Variants in DENND1B observed in about 807,000 individuals in gnomAD.
The protein encoded by DENND1B is DENN domain-containing protein 1B.
In DENND1B, 59 loss-of-function variants were observed where a neutral mutation model predicts 90.1. That is an observed-to-expected ratio of 0.65 (90% CI 0.53 to 0.81). The LOEUF (loss-of-function observed/expected upper bound fraction) is 0.81, where lower values mean the gene tolerates loss of function less well. Among genes scored for constraint, DENND1B ranks in the 40% least tolerant of loss-of-function variants. The probability of loss-of-function intolerance (pLI) is 0.00; values close to 1 mark genes in which losing one functional copy is unlikely to be tolerated. For synonymous variants in DENND1B, 337 were observed against 324.6 expected, an observed-to-expected ratio of 1.04 and a Z score of -0.41; for missense variants, 862 against 912.6, an observed-to-expected ratio of 0.94 and a Z score of 0.71.
intron 20 of DENND1B, among the ~76,000 whole-genome samples, chr1:197,516,964 A>C (rs1668441915): frequency 6.6e-6 from 1 of 151,856 alleles, no homozygotes; most frequent in South Asian, 2.1e-4. Flanking sequence ...TTATCTGCTA[A>C]GTGTTCCTCT....
intron 11 of DENND1B, among the ~76,000 whole-genome samples, chr1:197,612,986 A>G (rs1158274228): frequency 6.6e-6 from 1 of 150,886 alleles, no homozygotes; most frequent in Non-Finnish European, 1.5e-5. Context: ...TAGCAGATAT[A>G]TGAATAAATA....
chr1:197,550,997 T>C (rs1671189828), intron 16 of DENND1B, among the ~76,000 whole-genome samples: 1 of 151,802 alleles, frequency 6.6e-6, no homozygotes, highest in Admixed American at 6.6e-5. Flanking sequence ...GTTAATTTCA[T>C]GACATCGATA....
intron 20 of DENND1B, among the ~76,000 whole-genome samples, chr1:197,513,849 A>T (rs556214882): frequency 2.9e-4 from 44 of 151,554 alleles, no homozygotes; most frequent in Non-Finnish European, 4.9e-4. Context: ...AGCCATCCAT[A>T]CCCTTTAACA....
chr1:197,557,307 T>G (rs1671798301), intron 15 of DENND1B, among the ~76,000 whole-genome samples: 1 of 151,908 alleles, frequency 6.6e-6, no homozygotes, highest in South Asian at 2.1e-4. Flanking sequence ...AAGACATCCT[T>G]TAAAGGACTT....
intron 20 of DENND1B, 136 bp from the exon 21 acceptor site, chr1:197,513,089 C>A: frequency 1.6e-6 from 1 of 638,328 alleles, no homozygotes; most frequent in Non-Finnish European, 2.6e-6. Flanking sequence ...GAATATTATC[C>A]AATAACTTGA....
intron 15 of DENND1B, among the ~76,000 whole-genome samples, chr1:197,579,741 C>A (rs772588366): frequency 9.9e-5 from 15 of 152,110 alleles, no homozygotes; most frequent in African/African-American, 2.4e-5. Context: ...TGTATAACTT[C>A]TTTTTCAAAT....
chr1:197,758,931 C>T (rs1419107229), intron 2 of DENND1B, among the ~76,000 whole-genome samples: 1 of 144,640 alleles, frequency 6.9e-6, no homozygotes, highest in East Asian at 2.0e-4. Flanking sequence ...AAAAGCACAA[C>T]TTTTCCCAAA....
At chr1:197,605,321 A>T (rs1391708738) in intron 13 of DENND1B, among the ~76,000 whole-genome samples, 3 of 150,956 alleles carry the variant, frequency 2.0e-5, no homozygotes, top group Non-Finnish European at 4.5e-5. Context: ...CTAATCATCA[A>T]ACTAATTCTA....
intron 2 of DENND1B, chr1:197,747,147 T>TC: frequency 1.3e-6 from 1 of 768,438 alleles, no homozygotes; most frequent in Non-Finnish European, 2.3e-6. Context: ...TGGAGCGTTT[T>TC]CTTTTTTTCC....
In DENND1B at chr1:197,769,877, T is replaced by C. The variant is rs538613087; in HGVS notation, c.82+2991A>G. ...AATAACTTTTAAAATATTTTTCATATATTTTTCTATTTAAGATTTAGCTGT... is the reference window on the plus strand; with the variant it reads ...AATAACTTTTAAAATATTTTTCATACATTTTTCTATTTAAGATTTAGCTGT... On this transcript the variant is annotated intron_variant, in intron 2 of 22. Transcript: ENST00000620048. Among the ~76,000 whole-genome samples, 5 of 152,288 alleles carry C rather than the reference T, an allele frequency of 3.3e-5. No homozygotes were observed. The East Asian group carries it at 7.7e-4, about 24-fold the overall frequency.
intron 2 of DENND1B, among the ~76,000 whole-genome samples, chr1:197,731,825 A>G (rs1448626285): frequency 6.6e-6 from 1 of 151,914 alleles, no homozygotes; most frequent in Admixed American, 6.5e-5. Flanking sequence ...CTTGCTATAC[A>G]TGATCTTTCT....
chr1:197,538,656 A>ATTTTTTTTTTTTTTTTT (rs67761711), intron 20 of DENND1B, among the ~76,000 whole-genome samples: 1 of 105,882 alleles, frequency 9.4e-6, no homozygotes, highest in East Asian at 2.9e-4. Context: ...AATTAATGGG[A>ATTTTTTTTTTTTTTTTT]TTTTTTTTTT....
intron 2 of DENND1B, among the ~76,000 whole-genome samples, chr1:197,731,638 TG>T (rs777387629): frequency 1.4e-4 from 22 of 152,198 alleles, no homozygotes; most frequent in Non-Finnish European, 2.5e-4. Flanking sequence ...TTGGCTTCCC[TG>T]GGCCACAGTG....
intron 3 of DENND1B, among the ~76,000 whole-genome samples, chr1:197,678,275 T>C (rs1029120774): frequency 3.3e-5 from 5 of 152,188 alleles, no homozygotes; most frequent in African/African-American, 1.2e-4. Flanking sequence ...ATTAATCAAA[T>C]ATTATGTTTA....
chr1:197,622,950 A>G (rs1314647213), intron 10 of DENND1B, among the ~76,000 whole-genome samples: 2 of 151,398 alleles, frequency 1.3e-5, no homozygotes, highest in Non-Finnish European at 3.0e-5. Context: ...CAGAAAGACA[A>G]TCCATCTAGT....
chr1:197,681,436 A>C (rs1009998451), intron 3 of DENND1B, among the ~76,000 whole-genome samples: 4 of 152,156 alleles, frequency 2.6e-5, no homozygotes, highest in African/African-American at 9.6e-5. Context: ...TTTCAATTTA[A>C]GGGGGACATA....
chr1:197,693,285 CAT>C (rs1322410059), intron 3 of DENND1B, among the ~76,000 whole-genome samples: 1 of 151,496 alleles, frequency 6.6e-6, no homozygotes, highest in African/African-American at 2.4e-5. Context: ...CATAAGTAAA[CAT>C]GTGACTGTGT....
At chr1:197,677,789 A>C (rs1258864966) in intron 3 of DENND1B, among the ~76,000 whole-genome samples, 1 of 152,194 alleles carries the variant, frequency 6.6e-6, no homozygotes, top group Non-Finnish European at 1.5e-5. Context: ...ATACTCTCAT[A>C]GCAAGAAATG....
chr1:197,527,244 C>T (rs1669200141), intron 20 of DENND1B, among the ~76,000 whole-genome samples: 1 of 150,940 alleles, frequency 6.6e-6, no homozygotes, highest in African/African-American at 2.4e-5. Context: ...TGGACATGGA[C>T]GTGTGTTAAA....
Sources: gnomAD v4.1 joint callset for allele counts (sites outside exome capture counted in the v4.1 genomes callset) on GRCh38, gnomAD v4.1.1 for gene constraint, MANE v1.5 for transcripts, NCBI Gene and HGNC (gene_info 2026-07-23, HGNC 2026-07-21) for gene names.